MESD: variants seen among roughly 807,000 people sequenced by gnomAD.
MESD encodes the protein mesoderm development LRP chaperone, also known as LRP chaperone MESD.
In MESD, 7 loss-of-function variants were observed where a neutral mutation model predicts 12.9. That is an observed-to-expected ratio of 0.54 (90% CI 0.31 to 1.02). MESD has a LOEUF of 1.02. MESD is among the 50% of genes least tolerant of loss of function. The pLI is 0.05. For synonymous variants in MESD, 126 were observed against 115.6 expected, an observed-to-expected ratio of 1.09 and a Z score of -0.58; for missense variants, 342 against 296.7, an observed-to-expected ratio of 1.15 and a Z score of -1.12.
intron 3 of MESD, among the ~76,000 whole-genome samples, chr15:80,968,851 G>A (rs1902227357): frequency 6.6e-6 from 1 of 152,098 alleles, no homozygotes; most frequent in Non-Finnish European, 1.5e-5. Context: ...GCTTCAAAGG[G>A]CCACATAGTA....
chr15:80,948,758 A>G (rs1567115554), exon 5 of MESD: 2 of 1,613,744 alleles, frequency 1.2e-6, no homozygotes, highest in East Asian at 2.2e-5. Flanking sequence ...CCGTCCTCTC[A>G]TAGGGCTTTT....
intron 4 of MESD, chr15:80,949,327 TG>T: frequency 2.9e-6 from 1 of 341,126 alleles, no homozygotes; most frequent in Non-Finnish European, 5.8e-6. Context: ...CAGATCCCCA[TG>T]GTCTTCAGCA....
downstream of MESD, among the ~76,000 whole-genome samples, chr15:80,971,380 T>G (rs1044697993): frequency 3.3e-5 from 5 of 152,200 alleles, no homozygotes; most frequent in Non-Finnish European, 7.3e-5. Context: ...AAACTTTAGT[T>G]GGGCTCCTCT....
intron 2 of MESD, among the ~76,000 whole-genome samples, chr15:80,981,420 C>T (rs1902573688): frequency 9.2e-6 from 1 of 109,188 alleles, no homozygotes; most frequent in Non-Finnish European, 1.8e-5. Context: ...CTGGGCAACA[C>T]AGTGAGACTC....
chr15:80,956,733 C>G (rs1409797738), intron 3 of MESD, among the ~76,000 whole-genome samples: 1 of 152,140 alleles, frequency 6.6e-6, no homozygotes, highest in Non-Finnish European at 1.5e-5. Flanking sequence ...GTTTTACAAA[C>G]CTGGGATATA....
At chr15:80,948,467 G>A in exon 5 of MESD, 1 of 389,526 alleles carries the variant, frequency 2.6e-6, no homozygotes, top group Non-Finnish European at 4.9e-6. Flanking sequence ...GTTGTCCTAG[G>A]GGCAGCTCAA....
downstream of MESD, among the ~76,000 whole-genome samples, chr15:80,971,438 G>C (rs763078350): frequency 6.6e-6 from 1 of 152,132 alleles, no homozygotes; most frequent in East Asian, 1.9e-4. Context: ...TGAGCCCAGC[G>C]TTAGCAACAA....
chr15:80,970,266 C>T (rs1216455034), intron 3 of MESD, among the ~76,000 whole-genome samples: 3 of 152,142 alleles, frequency 2.0e-5, no homozygotes, highest in Non-Finnish European at 2.9e-5. Context: ...AATTGACTTT[C>T]CTTTAGGAGA....
intron 3 of MESD, among the ~76,000 whole-genome samples, chr15:80,968,252 C>T: frequency 6.6e-6 from 1 of 152,208 alleles, no homozygotes; most frequent in Admixed American, 6.5e-5. Flanking sequence ...ACCCGCTCTG[C>T]TCTGGCATAC....
rs1158575037 is a variant in MESD, at chr15:80,952,164, T to A, written c.*421A>T. ...CTCTCTTTTCCTCCCAGGCCCTGTT[T>A]GGCTGGAGGCCAAACACGTTTGACA... On this transcript the variant is annotated 3_prime_UTR_variant, in exon 4 of 5. Coordinates refer to the MESD transcript ENST00000561312. The A allele has an allele frequency of 8.8e-6, 4 of 455,990 alleles. No individual in the cohort carries two copies. In the East Asian group the frequency reaches 2.1e-4, roughly 24 times the overall value. The allele number at this position is 455,990 out of a possible 1,614,324, so 28.2% of individuals were successfully genotyped here. A position where few individuals can be genotyped will look rare whatever the true frequency, so the allele number is the denominator to read the frequency against.
chr15:80,984,364 G>C (rs1045240591), intron 1 of MESD, among the ~76,000 whole-genome samples: 2 of 152,076 alleles, frequency 1.3e-5, no homozygotes, highest in African/African-American at 4.8e-5. Flanking sequence ...CCTGAGCACA[G>C]GAGTTAAAGA....
At chr15:80,986,116 G>A (rs1229268888) in intron 1 of MESD, among the ~76,000 whole-genome samples, 2 of 152,066 alleles carry the variant, frequency 1.3e-5, no homozygotes, top group Non-Finnish European at 2.9e-5. Flanking sequence ...TTGCAAAATA[G>A]TACCCTAATG....
intron 3 of MESD, chr15:80,953,154 A>C: frequency 2.2e-6 from 1 of 449,338 alleles, no homozygotes. Flanking sequence ...CTCAGTCATG[A>C]GAGGCAAAGT....
intron 3 of MESD, among the ~76,000 whole-genome samples, chr15:80,960,753 A>G (rs1902070739): frequency 1.3e-5 from 2 of 152,172 alleles, no homozygotes; most frequent in Admixed American, 6.6e-5. Flanking sequence ...CAGAAAAGAA[A>G]TTATTATCTT....
intron 1 of MESD, among the ~76,000 whole-genome samples, chr15:80,987,004 C>T (rs1237213263): frequency 6.6e-6 from 1 of 152,240 alleles, no homozygotes; most frequent in Non-Finnish European, 1.5e-5. Context: ...ACTTAATTTA[C>T]TCACATGCTA....
At position 80,978,409 on chromosome 15, in the gene MESD, T is replaced by C. The variant is rs986093300; in HGVS notation, c.*810A>G. On this transcript the variant is annotated 3_prime_UTR_variant, in exon 3 of 3. Transcript: ENST00000261758. ...ATTTAGGCACTTTATCAAAGAAAAA[T>C]GTTTAGAAACAAATGAGGTTATTGA... 2.0e-5 allele frequency: 3 copies of C among 152,152 alleles called. No individual in the cohort carries two copies. The highest frequency in any genetic ancestry group is 7.2e-5 in the African/African-American group (3 of 41,438). 9.4% of individuals were successfully genotyped at this position (152,152 alleles called of 1,614,324 possible).
At chr15:80,982,608 T>C (rs551686868) in intron 1 of MESD, among the ~76,000 whole-genome samples, 4 of 152,302 alleles carry the variant, frequency 2.6e-5, no homozygotes, top group African/African-American at 7.2e-5. Context: ...ATTCCGTTTA[T>C]TTAAAATTCA....
chr15:80,949,055 T>A (rs1305930245), intron 4 of MESD: 9 of 1,239,748 alleles, frequency 7.3e-6, no homozygotes, highest in Non-Finnish European at 8.2e-6. Flanking sequence ...TCAGCCCTGA[T>A]GGGCCAAGGG....
intron 1 of MESD, among the ~76,000 whole-genome samples, chr15:80,983,236 C>T (rs1422380839): frequency 6.7e-6 from 1 of 149,886 alleles, no homozygotes; most frequent in Non-Finnish European, 1.5e-5. Context: ...GAACGAGACC[C>T]TGTCTTAAAA....
Sources: gnomAD v4.1 joint callset for allele counts (sites outside exome capture counted in the v4.1 genomes callset) on GRCh38, gnomAD v4.1.1 for gene constraint, MANE v1.5 for transcripts, NCBI Gene and HGNC (gene_info 2026-07-23, HGNC 2026-07-21) for gene names.